The following GNB5 variants were observed in gnomAD, a reference collection of about 807,000 sequenced individuals.
The protein encoded by GNB5 is guanine nucleotide-binding protein subunit beta-5.
GNB5 carries 37 observed loss-of-function variants against 55.3 expected under a neutral mutation model. The ratio of observed to expected loss-of-function variants is 0.67; its 90% CI spans 0.51 to 0.88. GNB5 has a LOEUF of 0.88. GNB5 is among the 40% of genes least tolerant of loss of function. GNB5 has a pLI of 0.00. For missense variants in GNB5, 476 were observed against 515.3 expected (o/e 0.92, Z 0.74); for synonymous variants, 219 against 198.5 (o/e 1.10, Z -0.87).
intron 2 of GNB5, 149 bp downstream of exon 2, chr15:52,184,402 T>C (rs752115828): frequency 1.0e-4 from 63 of 629,808 alleles, no homozygotes; most frequent in Admixed American, 2.1e-4. Context: ...GTCCACACCC[T>C]GAACCTCTGT....
Position 52,117,102 on chromosome 15 carries a change from A to ATATATATATATATATATATTTTTT in GNB5, c.*5654_*5655insAAAAAATATATATATATATATATA. ...CCACGCCCAGCTAATATATATATATATTTTTTTTTAGTACAGACAGGGTTT... is the reference window on the plus strand; with the variant it reads ...CCACGCCCAGCTAATATATATATATATATATATATATATATATATTTTTTTTTTTTTTTAGTACAGACAGGGTTT... On this transcript the variant is annotated 3_prime_UTR_variant, in exon 13 of 13. Transcript: ENST00000261837. 6.9e-5 allele frequency: 6 copies of ATATATATATATATATATATTTTTT among 87,094 alleles called. No homozygotes were observed. Among genetic ancestry groups the ATATATATATATATATATATTTTTT allele is most frequent in the South Asian group, 7.6e-4 (2 of 2,628 alleles). The allele number at this position is 87,094 out of a possible 1,614,324, so 5.4% of individuals were successfully genotyped here.
chr15:52,136,172 A>ACACACACACACACCC (rs1168734914), intron 7 of GNB5, among the ~76,000 whole-genome samples: 14 of 100,114 alleles, frequency 1.4e-4, no homozygotes, highest in South Asian at 6.7e-4. Context: ...ACACACACAC[A>ACACACACACACACCC]CCCTACCTGC....
At position 52,115,947 on chromosome 15, in the gene GNB5, G is replaced by A. The variant is rs575635391; in HGVS notation, c.*6810C>T. ...TACAACATGTGGCTCTTTGTCTCTG[G>A]TTTCTTTCCCCTGGCACAATATTTT... On this transcript the variant is annotated 3_prime_UTR_variant, in exon 13 of 13. Coordinates refer to ENST00000261837, the MANE Select transcript of GNB5 (RefSeq NM_016194.4). 8 of 152,222 alleles carry A rather than the reference G, an allele frequency of 5.3e-5. No homozygotes were observed. The highest frequency in any genetic ancestry group is 1.9e-4 in the African/African-American group (8 of 41,520). The allele number at this position is 152,222 out of a possible 1,614,324, so 9.4% of individuals were successfully genotyped here. A position where few individuals can be genotyped will look rare whatever the true frequency, so the allele number is the denominator to read the frequency against.
intron 3 of GNB5, among the ~76,000 whole-genome samples, chr15:52,165,157 T>C (rs1444556132): frequency 2.6e-5 from 4 of 151,622 alleles, no homozygotes; most frequent in Admixed American, 2.0e-4. Flanking sequence ...CAGACAAGAA[T>C]AGAGAAAAAA....
intron 1 of GNB5, among the ~76,000 whole-genome samples, chr15:52,190,156 C>T (rs1420750997): frequency 1.3e-5 from 2 of 148,168 alleles, no homozygotes; most frequent in African/African-American, 5.0e-5. Context: ...CTTGCTCTGT[C>T]GCCCAGGTTG....
chr15:52,137,367 G>T (rs1288694281), intron 7 of GNB5: 2 of 1,039,274 alleles, frequency 1.9e-6, no homozygotes, highest in African/African-American at 3.4e-5. Context: ...AGTGAGAGCT[G>T]GCCAGGTGAA....
rs1404124862 is a variant in GNB5, at chr15:52,141,243, G to A, written c.524C>T (p.Pro175Leu). The change falls in exon 7 of 13, where the codon CCC becomes CTC. Residue 175 changes from proline (P) to leucine (L), a missense_variant. Transcript: ENST00000261837. The part of the protein sequence containing the change: ...GGLDNKCSVY[P>L]LTFDKNENMA... ...GTTTTCATTTTTGTCAAACGTCAAG[G>A]GGTACACAGAACACTTATTATCCAA... The A allele has an allele frequency of 6.2e-7, 1 of 1,613,698 alleles. No individual in the cohort carries two copies.
At chr15:52,165,853 T>G (rs2034440734) in intron 3 of GNB5, among the ~76,000 whole-genome samples, 1 of 152,138 alleles carries the variant, frequency 6.6e-6, no homozygotes. Context: ...ATATTAACCT[T>G]AAATGTAAAT....
intron 3 of GNB5, among the ~76,000 whole-genome samples, chr15:52,169,356 G>A (rs559856478): frequency 1.3e-5 from 2 of 151,596 alleles, no homozygotes; most frequent in South Asian, 4.2e-4. Context: ...GGCCAACATG[G>A]TGAAACCCCG....
intron 3 of GNB5, among the ~76,000 whole-genome samples, chr15:52,168,607 GA>G (rs964261775): frequency 6.6e-6 from 1 of 151,824 alleles, no homozygotes; most frequent in African/African-American, 2.4e-5. Context: ...CATAGAATAG[GA>G]AAAAAAACTA....
chr15:52,183,378 C>A (rs1030601409), intron 2 of GNB5, among the ~76,000 whole-genome samples: 1 of 150,954 alleles, frequency 6.6e-6, no homozygotes, highest in African/African-American at 2.4e-5. Context: ...TTTTTAAGAA[C>A]TAAATGTCCT....
At chr15:52,179,414 G>T (rs2034717408) in intron 3 of GNB5, among the ~76,000 whole-genome samples, 1 of 152,124 alleles carries the variant, frequency 6.6e-6, no homozygotes, top group South Asian at 2.1e-4. Flanking sequence ...GCGCTCGCTC[G>T]TCACCACCGA....
At chr15:52,190,677 A>T (rs911479654) in intron 1 of GNB5, among the ~76,000 whole-genome samples, 1 of 151,904 alleles carries the variant, frequency 6.6e-6, no homozygotes, top group Non-Finnish European at 1.5e-5. Flanking sequence ...CCACTGTAGA[A>T]AACTGGTTGG....
chr15:52,153,257 C>G (rs1392630750), intron 4 of GNB5, among the ~76,000 whole-genome samples: 1 of 152,184 alleles, frequency 6.6e-6, no homozygotes, highest in Non-Finnish European at 1.5e-5. Flanking sequence ...TGGTGAGGAA[C>G]TGAGGCCTCC....
At chr15:52,128,475 A>C (rs991890939) in intron 9 of GNB5, 1 of 617,044 alleles carries the variant, frequency 1.6e-6, no homozygotes, top group Middle Eastern at 2.8e-4. Flanking sequence ...ATGTGTTGAT[A>C]TCAGGCACAG....
chr15:52,173,527 T>C (rs531426501), intron 3 of GNB5, among the ~76,000 whole-genome samples: 2 of 152,254 alleles, frequency 1.3e-5, no homozygotes, highest in Non-Finnish European at 2.9e-5. Flanking sequence ...AGAACAAGCT[T>C]GATGGTCTGA....
chr15:52,117,102 A>ATATATATATATATATATT lies in GNB5; in HGVS notation c.*5654_*5655insAATATATATATATATATA. The ATATATATATATATATATT allele has an allele frequency of 8.0e-5, 7 of 87,100 alleles. 1 individual carries two copies. Among genetic ancestry groups the ATATATATATATATATATT allele is most frequent in the Non-Finnish European group, 1.3e-4 (6 of 46,202 alleles). The allele number at this position is 87,100 out of a possible 1,614,324, so 5.4% of individuals were successfully genotyped here. A position where few individuals can be genotyped will look rare whatever the true frequency, so the allele number is the denominator to read the frequency against. On this transcript the variant is annotated 3_prime_UTR_variant, in exon 13 of 13. Coordinates refer to ENST00000261837, the MANE Select transcript of GNB5 (RefSeq NM_016194.4). ...CCACGCCCAGCTAATATATATATATATTTTTTTTTAGTACAGACAGGGTTT... is the reference window on the plus strand; with the variant it reads ...CCACGCCCAGCTAATATATATATATATATATATATATATATATTTTTTTTTTTAGTACAGACAGGGTTT...
intron 6 of GNB5, chr15:52,144,025 C>T (rs1166549966): frequency 6.6e-6 from 1 of 152,250 alleles, no homozygotes; most frequent in Non-Finnish European, 1.5e-5. Context: ...GGTGCTAGCA[C>T]CTCCCACATG....
At chr15:52,160,092 C>T (rs1264954364) in intron 3 of GNB5, among the ~76,000 whole-genome samples, 2 of 151,946 alleles carry the variant, frequency 1.3e-5, no homozygotes, top group Non-Finnish European at 2.9e-5. Flanking sequence ...GAATTCCAGG[C>T]CCATGCCACC....
Sources: allele counts gnomAD v4.1 joint callset (sites outside exome capture counted in the v4.1 genomes callset), GRCh38; gene constraint gnomAD v4.1.1; transcripts MANE v1.5; gene names NCBI Gene and HGNC (gene_info 2026-07-23, HGNC 2026-07-21).